EFNA5: variants seen among roughly 807,000 people sequenced by gnomAD.
EFNA5 encodes ephrin A5, also known as ephrin-A5.
EFNA5 carries 5 observed loss-of-function variants against 22.9 expected under a neutral mutation model. The observed-to-expected ratio is 0.22, with a 90% CI of 0.11 to 0.46. EFNA5 has a LOEUF of 0.46. Among genes scored for constraint, EFNA5 ranks in the 20% least tolerant of loss-of-function variants. The probability of loss-of-function intolerance (pLI) is 0.99; values close to 1 mark genes in which losing one functional copy is unlikely to be tolerated. For synonymous variants in EFNA5, 113 were observed against 112.2 expected (o/e 1.01, Z -0.04); for missense variants, 237 against 293.3 (o/e 0.81, Z 1.40).
At chr5:107,516,108 G>A (rs1349787793) in intron 1 of EFNA5, among the ~76,000 whole-genome samples, 1 of 151,878 alleles carries the variant, frequency 6.6e-6, no homozygotes, top group African/African-American at 2.4e-5. Context: ...GGGCTCAAGT[G>A]ATCCTCCTGC....
At chr5:107,660,391 AT>A (rs1447326984) in intron 1 of EFNA5, among the ~76,000 whole-genome samples, 3 of 146,396 alleles carry the variant, frequency 2.0e-5, no homozygotes, top group Admixed American at 6.9e-5. Context: ...TGGTGGGAAA[AT>A]TTTAAAATGT....
chr5:107,488,467 C>T (rs1363335313), intron 1 of EFNA5, among the ~76,000 whole-genome samples: 1 of 152,166 alleles, frequency 6.6e-6, no homozygotes, highest in Non-Finnish European at 1.5e-5. Flanking sequence ...TAGTTATTCT[C>T]TATCAGAAAG....
At chr5:107,419,523 A>G (rs778008899) in intron 2 of EFNA5, among the ~76,000 whole-genome samples, 9 of 152,206 alleles carry the variant, frequency 5.9e-5, no homozygotes, top group Non-Finnish European at 1.2e-4. Context: ...AAGAAAAACT[A>G]AATAGTTTTT....
At chr5:107,490,863 C>A (rs1204569960) in intron 1 of EFNA5, among the ~76,000 whole-genome samples, 2 of 152,136 alleles carry the variant, frequency 1.3e-5, no homozygotes, top group African/African-American at 4.8e-5. Context: ...TGATCTTAAC[C>A]ATTAGGGCAG....
chr5:107,585,145 T>A (rs1417197287), intron 1 of EFNA5, among the ~76,000 whole-genome samples: 1 of 152,144 alleles, frequency 6.6e-6, no homozygotes, highest in Non-Finnish European at 1.5e-5. Flanking sequence ...TGGATGGGGA[T>A]AAAAGTGGAA....
intron 1 of EFNA5, among the ~76,000 whole-genome samples, chr5:107,565,702 CT>C (rs2112481223): frequency 6.6e-6 from 1 of 152,034 alleles, no homozygotes; most frequent in East Asian, 1.9e-4. Flanking sequence ...TGCAAGAAAA[CT>C]TTTTCCTTTA....
intron 1 of EFNA5, among the ~76,000 whole-genome samples, chr5:107,494,541 G>A (rs1282669913): frequency 6.6e-6 from 1 of 152,202 alleles, no homozygotes; most frequent in East Asian, 1.9e-4. Context: ...CTGCTCCATG[G>A]CACCCAGTCC....
intron 1 of EFNA5, among the ~76,000 whole-genome samples, chr5:107,654,955 T>G (rs1346667866): frequency 6.6e-6 from 1 of 151,964 alleles, no homozygotes; most frequent in Non-Finnish European, 1.5e-5. Context: ...TTTCAATACC[T>G]TAAGGAATTA....
intron 1 of EFNA5, among the ~76,000 whole-genome samples, chr5:107,490,585 C>G (rs1430105555): frequency 6.6e-6 from 1 of 152,198 alleles, no homozygotes; most frequent in Non-Finnish European, 1.5e-5. Flanking sequence ...TTCACCCTCA[C>G]CTTTCAGGGA....
At chr5:107,437,691 C>T (rs1395731997) in intron 1 of EFNA5, among the ~76,000 whole-genome samples, 2 of 150,364 alleles carry the variant, frequency 1.3e-5, no homozygotes, top group Non-Finnish European at 1.5e-5. Flanking sequence ...CATAGATGTT[C>T]GATGAAGAGG....
At position 107,381,051 on chromosome 5, in the gene EFNA5, C is replaced by T. The variant is rs878960993; in HGVS notation, c.*204G>A. On this transcript the variant is annotated 3_prime_UTR_variant, in exon 5 of 5. Transcript: ENST00000333274. ...CCAAGGGCCAGGGCTGGGGGTGGGG[C>T]GGGGTGGGGTGAGGGAGGCAGGAAC... 28 of 304,810 alleles carry T rather than the reference C, an allele frequency of 9.2e-5. No homozygotes were observed. The highest frequency in any genetic ancestry group is 8.6e-4 in the South Asian group (23 of 26,844). 18.9% of individuals were successfully genotyped at this position (304,810 alleles called of 1,614,324 possible). A position where few individuals can be genotyped will look rare whatever the true frequency, so the allele number is the denominator to read the frequency against.
chr5:107,538,372 A>G (rs1747969657), intron 1 of EFNA5, among the ~76,000 whole-genome samples: 1 of 152,236 alleles, frequency 6.6e-6, no homozygotes, highest in African/African-American at 2.4e-5. Context: ...GCAAAGTACT[A>G]TGCTTGCCAT....
chr5:107,639,546 C>G (rs1750457973), intron 1 of EFNA5, among the ~76,000 whole-genome samples: 1 of 152,204 alleles, frequency 6.6e-6, no homozygotes, highest in Non-Finnish European at 1.5e-5. Flanking sequence ...TGAAAAGAGA[C>G]TGACACATGG....
rs565828368 is a variant in EFNA5 at position 107,666,500 on chromosome 5, C to T, written c.125+3989G>A. On this transcript the variant is annotated intron_variant, in intron 1 of 4. Coordinates refer to ENST00000333274, the MANE Select transcript of EFNA5 (RefSeq NM_001962.3). ...AATATGAAATGTTTAATATACAAGT[C>T]CCTACAAGAATTGAAAAAGTCCAAA... Among the ~76,000 whole-genome samples the T allele has an allele frequency of 1.7e-3, 252 of 152,146 alleles. 1 individual carries two copies. The highest frequency in any genetic ancestry group is 5.9e-3 in the African/African-American group (244 of 41,534).
At chr5:107,537,864 G>A (rs563732441) in intron 1 of EFNA5, among the ~76,000 whole-genome samples, 9 of 152,160 alleles carry the variant, frequency 5.9e-5, no homozygotes, top group Non-Finnish European at 1.3e-4. Flanking sequence ...CTCAGAGGAG[G>A]TTGTAAGCTA....
intron 1 of EFNA5, among the ~76,000 whole-genome samples, chr5:107,475,474 A>G (rs570523755): frequency 7.4e-4 from 112 of 152,344 alleles, no homozygotes; most frequent in Middle Eastern, 3.4e-3. Flanking sequence ...AAGAAACTCA[A>G]GAGAAACAAA....
At position 107,670,609 on chromosome 5, in the gene EFNA5, A is replaced by G. The variant is rs771131134; in HGVS notation, c.5T>C (p.Leu2Ser). Residue 2 changes from leucine (L) to serine (S), a missense_variant, in exon 1 of 5, where the codon TTG becomes TCG. Leu to Ser is a moderately radical substitution (Grantham distance 145, BLOSUM62 -2). This residue lies in a region of EFNA5 where 120 missense variants were observed against 140.5 expected (regional missense o/e 0.85). Coordinates refer to ENST00000333274, the MANE Select transcript of EFNA5 (RefSeq NM_001962.3). M[L>S]HVEMLTLVFL... ...CACCAGCGTCAACATCTCCACGTGCAACATCACGCCTGGCCAGCGGCGGAG... is the reference window on the plus strand; with the variant it reads ...CACCAGCGTCAACATCTCCACGTGCGACATCACGCCTGGCCAGCGGCGGAG... 6.2e-7 allele frequency: 1 copy of G among 1,603,272 alleles called. No individual in the cohort carries two copies. Among genetic ancestry groups the G allele is most frequent in the Non-Finnish European group, 8.5e-7 (1 of 1,175,432 alleles).
chr5:107,435,315 C>CTTTTT lies in EFNA5; in HGVS notation c.126-7811_126-7807dup, dbSNP rs3999107. Reference sequence around the variant, plus strand: ...TTCCTATTCTAAATCTGAAGATGCTCTTTTTTTTTTTTTTTTTTTTTTGCT... The same window carrying CTTTTT: ...TTCCTATTCTAAATCTGAAGATGCTCTTTTTTTTTTTTTTTTTTTTTTTTTTTGCT... On this transcript the variant is annotated intron_variant, in intron 1 of 4. Coordinates refer to ENST00000333274, the MANE Select transcript of EFNA5 (RefSeq NM_001962.3). Among the ~76,000 whole-genome samples, 234 of 104,592 alleles carry CTTTTT rather than the reference C, an allele frequency of 2.2e-3. 3 individuals carry two copies. Among genetic ancestry groups the CTTTTT allele is most frequent in the Middle Eastern group, 0.013 (2 of 160 alleles). The allele number at this position is 104,592 out of a possible 152,430, so 68.6% of individuals were successfully genotyped here. A position where few individuals can be genotyped will look rare whatever the true frequency, so the allele number is the denominator to read the frequency against.
intron 1 of EFNA5, among the ~76,000 whole-genome samples, chr5:107,639,237 A>G (rs952780520): frequency 6.6e-5 from 10 of 152,218 alleles, no homozygotes; most frequent in Non-Finnish European, 1.2e-4. Flanking sequence ...AATTTGGAAA[A>G]AGTCAGAGGA....
Sources: allele counts gnomAD v4.1 joint callset (sites outside exome capture counted in the v4.1 genomes callset), GRCh38; gene constraint gnomAD v4.1.1; regional missense constraint gnomAD v4.1.1; transcripts MANE v1.5; gene names NCBI Gene and HGNC (gene_info 2026-07-23, HGNC 2026-07-21).